The following CHRM2 variants were observed in gnomAD, a reference collection of about 807,000 sequenced individuals.
CHRM2 encodes muscarinic acetylcholine receptor M2.
Under a neutral mutation model 25.0 loss-of-function variants are expected in CHRM2, and 8 were observed. The observed-to-expected ratio is 0.32, with a 90% CI of 0.19 to 0.58. The LOEUF is 0.58. Ranked by LOEUF, CHRM2 falls within the 20% of genes least tolerant of loss-of-function variation. The probability of loss-of-function intolerance (pLI) is 0.88; values close to 1 mark genes in which losing one functional copy is unlikely to be tolerated. For synonymous variants in CHRM2, 202 were observed against 205.7 expected (o/e 0.98, Z 0.15); for missense variants, 440 against 567.1 (o/e 0.78, Z 2.28).
At position 137,004,037 on chromosome 7, in the gene CHRM2, T is replaced by C. The variant is rs777793905; in HGVS notation, c.-46-10783T>C. On this transcript the variant is annotated intron_variant, in intron 3 of 3. Coordinates refer to ENST00000680005, the MANE Select transcript of CHRM2 (RefSeq NM_001006630.2). ...AATTAAACCTCATTCCTTTATAAGTTACACGGTCTTGGGTATTTCTTCATA... is the reference window on the plus strand; with the variant it reads ...AATTAAACCTCATTCCTTTATAAGTCACACGGTCTTGGGTATTTCTTCATA... Among the ~76,000 whole-genome samples, 8 of 152,142 alleles carry C rather than the reference T, an allele frequency of 5.3e-5. No homozygotes were observed. In the East Asian group the frequency reaches 1.5e-3, roughly 29 times the overall value.
Position 137,016,354 on chromosome 7 carries a change from C to A in CHRM2, c.*88C>A. 7.7e-7 allele frequency: 1 copy of A among 1,306,696 alleles called. No homozygotes were observed. Among genetic ancestry groups the A allele is most frequent in the Non-Finnish European group, 1.1e-6 (1 of 910,970 alleles). 80.9% of individuals were successfully genotyped at this position (1,306,696 alleles called of 1,614,324 possible). A position where few individuals can be genotyped will look rare whatever the true frequency, so the allele number is the denominator to read the frequency against. On this transcript the variant is annotated 3_prime_UTR_variant, in exon 4 of 4. Transcript: ENST00000680005. ...GAGCTCCTAGTTTTAAAATCTCTGC[C>A]ATTGCACTTTATAGTCTGATTACAA...
chr7:136,928,886 G>T (rs1798895099), intron 2 of CHRM2, among the ~76,000 whole-genome samples: 1 of 152,160 alleles, frequency 6.6e-6, no homozygotes, highest in Non-Finnish European at 1.5e-5. Context: ...GATGCAAATG[G>T]AAACAAAAAT....
intron 3 of CHRM2, among the ~76,000 whole-genome samples, chr7:137,003,706 C>G (rs947923709): frequency 2.0e-5 from 3 of 152,058 alleles, no homozygotes; most frequent in Admixed American, 2.0e-4. Context: ...CATGCTAAAC[C>G]AACTTTGCTG....
intron 2 of CHRM2, among the ~76,000 whole-genome samples, chr7:136,924,178 T>G (rs911284210): frequency 1.3e-5 from 2 of 152,214 alleles, no homozygotes; most frequent in Non-Finnish European, 2.9e-5. Flanking sequence ...ATGTGGTATG[T>G]ACACACATTA....
In CHRM2 at chr7:137,015,716, A is replaced by G; in HGVS notation, c.851A>G (p.Asn284Ser). 6.2e-7 allele frequency: 1 copy of G among 1,613,280 alleles called. No individual in the cohort carries two copies. Among genetic ancestry groups the G allele is most frequent in the South Asian group, 1.1e-5 (1 of 91,076 alleles). ...CVQGEEKESS[N>S]DSTSVSAVAS... ...CAGGGAGAGGAGAAGGAGAGCTCCA[A>G]TGACTCCACCTCAGTCAGTGCTGTT... The change falls in exon 4 of 4, where the codon AAT becomes AGT. Residue 284 changes from asparagine (N) to serine (S), a missense_variant. Physicochemically the swap from Asn to Ser is conservative, Grantham distance 46. This residue lies in a region of CHRM2 where 261 missense variants were observed against 261.8 expected (regional missense o/e 1.00). Transcript: ENST00000680005. The surrounding 1 kb of genome is among the most constrained non-coding windows in gnomAD (Gnocchi z 5.1).
rs1486309175 is a variant in CHRM2 at position 136,868,720 on chromosome 7, C to T, written c.-555C>T. On this transcript the variant is annotated 5_prime_UTR_variant, in exon 1 of 4. Transcript: ENST00000680005. ...TCCTGCTGTACTAAAGGCGCCAGGG[C>T]GCAAAGACCTAGGGAGCGCGCGCGG... 1 of 152,134 alleles carries T rather than the reference C, an allele frequency of 6.6e-6. No homozygotes were observed. The highest frequency in any genetic ancestry group is 1.5e-5 in the Non-Finnish European group (1 of 68,394). The allele number at this position is 152,134 out of a possible 1,614,324, so 9.4% of individuals were successfully genotyped here.
intron 2 of CHRM2, among the ~76,000 whole-genome samples, chr7:136,974,155 T>C (rs1801963578): frequency 6.6e-6 from 1 of 152,206 alleles, no homozygotes; most frequent in Non-Finnish European, 1.5e-5. Context: ...TATCAGAAAG[T>C]ACTTACGATG....
At chr7:136,881,810 A>G (rs534680947) in intron 2 of CHRM2, among the ~76,000 whole-genome samples, 1 of 152,188 alleles carries the variant, frequency 6.6e-6, no homozygotes, top group Non-Finnish European at 1.5e-5. Context: ...CTGAGTGTGT[A>G]AATTCAAGAA....
intron 3 of CHRM2, among the ~76,000 whole-genome samples, chr7:136,997,489 A>C (rs546463895): frequency 2.0e-5 from 3 of 152,270 alleles, no homozygotes; most frequent in African/African-American, 7.2e-5. Flanking sequence ...AAAAGAAATA[A>C]TTTTTACTTT....
chr7:137,002,458 A>G (rs943390064), intron 3 of CHRM2, among the ~76,000 whole-genome samples: 1 of 152,202 alleles, frequency 6.6e-6, no homozygotes, highest in African/African-American at 2.4e-5. Flanking sequence ...CTCCAAAATA[A>G]ACTGCTTTCA....
At chr7:136,979,558 C>A (rs1802344099) in intron 2 of CHRM2, among the ~76,000 whole-genome samples, 1 of 152,158 alleles carries the variant, frequency 6.6e-6, no homozygotes, top group Admixed American at 6.5e-5. Context: ...AGGTTTTCTT[C>A]TAGAGTTTTT....
At chr7:136,999,377 T>C (rs769193342) in intron 3 of CHRM2, among the ~76,000 whole-genome samples, 1 of 152,108 alleles carries the variant, frequency 6.6e-6, no homozygotes, top group Non-Finnish European at 1.5e-5. Context: ...GAACTTTAAA[T>C]AAAATAAAAT....
intron 2 of CHRM2, among the ~76,000 whole-genome samples, chr7:136,972,147 T>A (rs1196952004): frequency 6.6e-6 from 1 of 152,104 alleles, no homozygotes; most frequent in Non-Finnish European, 1.5e-5. Flanking sequence ...TTTCGTGGAT[T>A]TTCTCCTAAA....
At chr7:136,985,504 C>CAAAAAAAAAAAAAAA (rs974105875) in intron 2 of CHRM2, among the ~76,000 whole-genome samples, 2 of 59,754 alleles carry the variant, frequency 3.3e-5, no homozygotes, top group Non-Finnish European at 5.6e-5. Flanking sequence ...AGTTAGACTC[C>CAAAAAAAAAAAAAAA]AAAAAAAAAA....
rs531099978 is a variant in CHRM2 at position 136,896,121 on chromosome 7, A to C, written c.-125+26703A>C. Among the ~76,000 whole-genome samples the C allele has an allele frequency of 2.6e-5, 4 of 152,302 alleles. No individual in the cohort carries two copies. In the South Asian group the frequency reaches 8.3e-4, roughly 32 times the overall value. On this transcript the variant is annotated intron_variant, in intron 2 of 3. Transcript: ENST00000680005. ...CAATTGCCTTTACTTTTTTTTCTAA[A>C]AGAAAATAATAACAATAGTAGACTT...
intron 2 of CHRM2, chr7:136,898,676 T>C (rs1263853509): frequency 1.3e-5 from 2 of 152,046 alleles, no homozygotes; most frequent in Non-Finnish European, 2.9e-5. Context: ...TTCTGGTATA[T>C]AGTAAATAGA....
At chr7:136,975,165 G>C (rs541235729) in intron 2 of CHRM2, among the ~76,000 whole-genome samples, 1 of 152,300 alleles carries the variant, frequency 6.6e-6, no homozygotes, top group Admixed American at 6.5e-5. Context: ...AAAGTGTCAG[G>C]ATGTAAGCTG....
intron 3 of CHRM2, among the ~76,000 whole-genome samples, chr7:136,995,684 G>T (rs1197106031): frequency 6.6e-6 from 1 of 151,896 alleles, no homozygotes; most frequent in Non-Finnish European, 1.5e-5. Context: ...GGATTGCATG[G>T]TCCTGGAAGG....
intron 2 of CHRM2, among the ~76,000 whole-genome samples, chr7:136,959,101 G>A (rs879905774): frequency 6.6e-6 from 1 of 152,108 alleles, no homozygotes; most frequent in Non-Finnish European, 1.5e-5. Flanking sequence ...GAACAATGGT[G>A]ACCCAAGTCA....
Sources: gnomAD v4.1 joint callset for allele counts (sites outside exome capture counted in the v4.1 genomes callset) on GRCh38, gnomAD v4.1.1 for gene constraint, gnomAD v4.1.1 regional missense constraint, Gnocchi (gnomAD v3.1) non-coding constraint, MANE v1.5 for transcripts, NCBI Gene and HGNC (gene_info 2026-07-23, HGNC 2026-07-21) for gene names.